B4GALT6: variants seen among roughly 807,000 people sequenced by gnomAD.
B4GALT6 encodes the protein UDP-Gal:beta-GlcNAc beta-1,4-galactosyltransferase 6.
A neutral mutation model predicts 46.3 loss-of-function variants in B4GALT6; 14 were observed. The observed-to-expected ratio is 0.30, with a 90% CI of 0.20 to 0.47. B4GALT6 has a LOEUF of 0.47. Among genes scored for constraint, B4GALT6 ranks in the 20% least tolerant of loss-of-function variants. The probability of loss-of-function intolerance (pLI) is 0.99; values close to 1 mark genes in which losing one functional copy is unlikely to be tolerated. For synonymous variants in B4GALT6, 168 were observed against 162.0 expected (o/e 1.04, Z -0.28); for missense variants, 386 against 480.1 (o/e 0.80, Z 1.83).
chr18:31,683,350 G>A (rs1290748446), intron 1 of B4GALT6, among the ~76,000 whole-genome samples: 1 of 152,188 alleles, frequency 6.6e-6, no homozygotes, highest in Non-Finnish European at 1.5e-5. Context: ...AACGACCACA[G>A]TGTGTAAGGA....
At chr18:31,674,607 A>G (rs558638964) in intron 1 of B4GALT6, among the ~76,000 whole-genome samples, 21 of 152,356 alleles carry the variant, frequency 1.4e-4, no homozygotes, top group Middle Eastern at 6.8e-3. Context: ...TAATCTTCTA[A>G]GTATCTGTTT....
intron 2 of B4GALT6, among the ~76,000 whole-genome samples, chr18:31,665,130 C>G (rs528769365): frequency 5.3e-5 from 8 of 152,310 alleles, no homozygotes; most frequent in African/African-American, 1.9e-4. Context: ...GACAGACTTT[C>G]TCTTAGTAGA....
At chr18:31,668,387 A>T (rs2074307725) in intron 1 of B4GALT6, among the ~76,000 whole-genome samples, 2 of 152,212 alleles carry the variant, frequency 1.3e-5, no homozygotes, top group African/African-American at 4.8e-5. Flanking sequence ...GGCAGGATCA[A>T]TCATACTCCA....
At chr18:31,697,330 C>G in the B4GALT6 span, among the ~76,000 whole-genome samples, 1 of 151,602 alleles carries the variant, frequency 6.6e-6, no homozygotes, top group African/African-American at 2.4e-5. Context: ...AGATGGCAGG[C>G]AGACTAATGT....
chr18:31,683,675 T>C (rs1176940406), intron 1 of B4GALT6, among the ~76,000 whole-genome samples: 3 of 152,202 alleles, frequency 2.0e-5, no homozygotes, highest in Admixed American at 6.5e-5. Flanking sequence ...TAATCACTAT[T>C]TTCTCAGAAG....
At chr18:31,645,519 T>G in intron 3 of B4GALT6, 40 bp from the exon 4 acceptor site, 1 of 1,591,556 alleles carries the variant, frequency 6.3e-7, no homozygotes, top group Non-Finnish European at 8.5e-7. Flanking sequence ...TAATATTTTT[T>G]GCCTCAAAGA....
In B4GALT6 at chr18:31,623,797, T is replaced by A. The variant is rs1181020510; in HGVS notation, c.*1817A>T. ...GATTCAATTATTTTATGATTTAGTT[T>A]GTGGTCATTTGTGTTATCAATATTG... On this transcript the variant is annotated 3_prime_UTR_variant, in exon 9 of 9. Transcript: ENST00000306851. 1 of 152,006 alleles carries A rather than the reference T, an allele frequency of 6.6e-6. No individual in the cohort carries two copies. Among genetic ancestry groups the A allele is most frequent in the African/African-American group, 2.4e-5 (1 of 41,444 alleles). The allele number at this position is 152,006 out of a possible 1,614,324, so 9.4% of individuals were successfully genotyped here. A position where few individuals can be genotyped will look rare whatever the true frequency, so the allele number is the denominator to read the frequency against.
chr18:31,665,724 A>G (rs972077086), intron 2 of B4GALT6, among the ~76,000 whole-genome samples: 1 of 152,246 alleles, frequency 6.6e-6, no homozygotes, highest in Non-Finnish European at 1.5e-5. Flanking sequence ...CCTGGGCAAC[A>G]GAGCGAGACT....
chr18:31,676,307 T>G lies in B4GALT6; in HGVS notation c.115+8005A>C, dbSNP rs535707009. ...TCATGTCATAGTAACAAACTTCATA[T>G]AGCTACTTAAATATACCACTGTAAA... On this transcript the variant is annotated intron_variant, in intron 1 of 8. Transcript: ENST00000306851. Among the ~76,000 whole-genome samples the G allele has an allele frequency of 5.9e-5, 9 of 152,300 alleles. No individual in the cohort carries two copies. The South Asian group carries it at 1.7e-3, about 28-fold the overall frequency.
At chr18:31,670,041 T>C (rs1377609270) in intron 1 of B4GALT6, among the ~76,000 whole-genome samples, 1 of 151,696 alleles carries the variant, frequency 6.6e-6, no homozygotes, top group Non-Finnish European at 1.5e-5. Flanking sequence ...GTAACAAAAC[T>C]GTTAAAAATG....
At chr18:31,675,819 G>C (rs559429418) in intron 1 of B4GALT6, among the ~76,000 whole-genome samples, 3 of 152,276 alleles carry the variant, frequency 2.0e-5, no homozygotes, top group Non-Finnish European at 4.4e-5. Context: ...AGTGATGTCA[G>C]AGTATATAAG....
At chr18:31,670,109 G>A (rs560571853) in intron 1 of B4GALT6, among the ~76,000 whole-genome samples, 2 of 150,682 alleles carry the variant, frequency 1.3e-5, no homozygotes, top group East Asian at 1.9e-4. Context: ...GTTGGAGTGC[G>A]GTAGCTCCAC....
At chr18:31,705,868 T>C in the B4GALT6 span, among the ~76,000 whole-genome samples, 1 of 152,232 alleles carries the variant, frequency 6.6e-6, no homozygotes, top group Non-Finnish European at 1.5e-5. Context: ...AGAACAATCT[T>C]ATTCAACGTT....
At chr18:31,659,273 C>A (rs2074182195) in intron 2 of B4GALT6, among the ~76,000 whole-genome samples, 1 of 152,252 alleles carries the variant, frequency 6.6e-6, no homozygotes, top group African/African-American at 2.4e-5. Context: ...GAGAATCCTG[C>A]GAATTAGATA....
intron 3 of B4GALT6, among the ~76,000 whole-genome samples, chr18:31,650,820 G>A (rs965044383): frequency 1.3e-5 from 2 of 152,092 alleles, no homozygotes; most frequent in Non-Finnish European, 2.9e-5. Context: ...CCAGGCTGGA[G>A]TGCAGTGGCG....
At chr18:31,711,901 A>C in the B4GALT6 span, among the ~76,000 whole-genome samples, 1 of 152,200 alleles carries the variant, frequency 6.6e-6, no homozygotes, top group Non-Finnish European at 1.5e-5. Context: ...TAAAGACCAC[A>C]AATTCACCAG....
upstream of B4GALT6, among the ~76,000 whole-genome samples, chr18:31,685,007 G>C (rs578227426): frequency 1.4e-5 from 2 of 146,492 alleles, no homozygotes; most frequent in Non-Finnish European, 3.0e-5. Flanking sequence ...GCCGCAACCA[G>C]CGCGCGCCAC....
chr18:31,624,114 T>C lies in B4GALT6; in HGVS notation c.*1500A>G, dbSNP rs1416049006. 2.6e-5 allele frequency: 4 copies of C among 152,038 alleles called. No homozygotes were observed. In the East Asian group the frequency reaches 7.7e-4, roughly 29 times the overall value. The allele number at this position is 152,038 out of a possible 1,614,324, so 9.4% of individuals were successfully genotyped here. ...ATCCAAAATTAAGATATGTACTTGA[T>C]ATCAGGTAGTAAGACCTTTTTTCAG... is the stretch of plus-strand genomic sequence containing the variant. On this transcript the variant is annotated 3_prime_UTR_variant, in exon 9 of 9. Coordinates refer to ENST00000306851, the MANE Select transcript of B4GALT6 (RefSeq NM_004775.5).
intron 3 of B4GALT6, among the ~76,000 whole-genome samples, chr18:31,651,862 C>T (rs2074073012): frequency 6.6e-6 from 1 of 152,190 alleles, no homozygotes; most frequent in African/African-American, 2.4e-5. Context: ...GCTCCACCTC[C>T]TGGGTTCACG....
Sources: gnomAD v4.1 joint callset for allele counts (sites outside exome capture counted in the v4.1 genomes callset) on GRCh38, gnomAD v4.1.1 for gene constraint, MANE v1.5 for transcripts, NCBI Gene and HGNC (gene_info 2026-07-23, HGNC 2026-07-21) for gene names.